The following SLC5A8 variants were observed in gnomAD, a reference collection of about 807,000 sequenced individuals.
The protein encoded by SLC5A8 is sodium-coupled monocarboxylate transporter 1.
In SLC5A8, 55 loss-of-function variants were observed where a neutral mutation model predicts 71.9. The observed-to-expected ratio is 0.77, with a 90% CI of 0.62 to 0.96. The LOEUF is 0.96. Among genes scored for constraint, SLC5A8 ranks in the 40% least tolerant of loss-of-function variants. The pLI is 0.00. For missense variants in SLC5A8, 701 were observed against 745.3 expected (o/e 0.94, Z 0.69); for synonymous variants, 307 against 276.1 (o/e 1.11, Z -1.11).
chr12:101,169,523 C>T (rs1281123453), intron 10 of SLC5A8, among the ~76,000 whole-genome samples: 1 of 152,140 alleles, frequency 6.6e-6, no homozygotes, highest in Non-Finnish European at 1.5e-5. Flanking sequence ...TATTTTACAA[C>T]TGCTATGTCC....
intron 10 of SLC5A8, among the ~76,000 whole-genome samples, chr12:101,172,607 G>T (rs147383660): frequency 2.0e-5 from 3 of 152,194 alleles, no homozygotes; most frequent in Non-Finnish European, 2.9e-5. Flanking sequence ...GCAAGGTCCT[G>T]TGTGGTGGGT....
rs941398579 is a variant in SLC5A8, at chr12:101,188,622, C to T, written c.834-1107G>A. Among the ~76,000 whole-genome samples, 10 of 152,188 alleles carry T rather than the reference C, an allele frequency of 6.6e-5. 1 individual carries two copies. The highest frequency in any genetic ancestry group is 6.3e-3 in the Middle Eastern group (2 of 316). On this transcript the variant is annotated intron_variant, in intron 6 of 14. Transcript: ENST00000536262. ...GCATTACAGTCCAGCGTCTCCCTCT[C>T]GTCAATCCTGTTTCCTTTTCTTCCC...
intron 10 of SLC5A8, among the ~76,000 whole-genome samples, chr12:101,179,285 G>A (rs775718960): frequency 3.9e-5 from 6 of 152,254 alleles, no homozygotes; most frequent in Non-Finnish European, 8.8e-5. Context: ...CCTGACAGTT[G>A]CACTCCTGGG....
At position 101,168,172 on chromosome 12, in the gene SLC5A8, C is replaced by A; in HGVS notation, c.1244G>T (p.Ser415Ile). 6.2e-7 allele frequency: 1 copy of A among 1,604,860 alleles called. No homozygotes were observed. Among genetic ancestry groups the A allele is most frequent in the Non-Finnish European group, 8.5e-7 (1 of 1,175,672 alleles). Residue 415 changes from serine (S) to isoleucine (I), a missense_variant, in exon 11 of 15, where the codon AGC (serine) becomes ATC (isoleucine). Coordinates refer to ENST00000536262, the MANE Select transcript of SLC5A8 (RefSeq NM_145913.5). The stretch of plus-strand genomic sequence containing the variant: ...TGGTCCACCAACCATACCAAATACG[C>A]TGAGTGCTGCCTACAAAAATAATAC... ...LMGALLQAAL[S>I]VFGMVGGPLM...
At chr12:101,185,778 A>AT (rs1381049801) in intron 7 of SLC5A8, among the ~76,000 whole-genome samples, 1 of 152,060 alleles carries the variant, frequency 6.6e-6, no homozygotes, top group Admixed American at 6.6e-5. Flanking sequence ...GGATTTTACC[A>AT]TGTTGACCAG....
At chr12:101,173,202 G>A (rs561313976) in intron 10 of SLC5A8, among the ~76,000 whole-genome samples, 5 of 152,196 alleles carry the variant, frequency 3.3e-5, no homozygotes, top group Non-Finnish European at 7.3e-5. Context: ...TGCTGTATTT[G>A]TATTTCTCGG....
At chr12:101,159,217 T>C (rs1190870898) in intron 13 of SLC5A8, among the ~76,000 whole-genome samples, 3 of 151,930 alleles carry the variant, frequency 2.0e-5, no homozygotes, top group Non-Finnish European at 4.4e-5. Context: ...ACTACTTTAG[T>C]ACAAATACTA....
chr12:101,169,363 G>C (rs756184590), intron 10 of SLC5A8, among the ~76,000 whole-genome samples: 3 of 152,164 alleles, frequency 2.0e-5, no homozygotes, highest in African/African-American at 4.8e-5. Flanking sequence ...ATGGAAAAAG[G>C]GGAATCAACC....
chr12:101,205,981 G>T (rs749950734), intron 1 of SLC5A8, among the ~76,000 whole-genome samples: 3 of 152,154 alleles, frequency 2.0e-5, no homozygotes, highest in Non-Finnish European at 2.9e-5. Flanking sequence ...TCCAGCCCTT[G>T]ACCCAGTCCC....
intron 10 of SLC5A8, among the ~76,000 whole-genome samples, chr12:101,175,823 C>A (rs2051874924): frequency 6.6e-6 from 1 of 151,918 alleles, no homozygotes; most frequent in African/African-American, 2.4e-5. Context: ...AAAGGGGAAA[C>A]TCAAGACATT....
intron 2 of SLC5A8, among the ~76,000 whole-genome samples, chr12:101,203,900 T>C (rs1316596388): frequency 1.3e-5 from 2 of 152,098 alleles, no homozygotes; most frequent in African/African-American, 2.4e-5. Context: ...TATAAGCGCA[T>C]GTTCTTGAAT....
rs752781185 is a variant in SLC5A8 at position 101,209,830 on chromosome 12, T to A, written c.19A>T (p.Ile7Phe). Residue 7 changes from isoleucine to phenylalanine, a missense_variant, in exon 1 of 15, where the codon ATC (isoleucine) becomes TTC (phenylalanine). Coordinates refer to ENST00000536262, the MANE Select transcript of SLC5A8 (RefSeq NM_145913.5). MDTPRG[I>F]GTFVVWDYVV... is the part of the protein sequence containing the mutation. ...TAGTCCCACACCACGAAGGTGCCGA[T>A]GCCCCGTGGCGTGTCCATGGCCGCA... 5 of 1,571,606 alleles carry A rather than the reference T, an allele frequency of 3.2e-6. No homozygotes were observed. In the South Asian group the frequency reaches 5.9e-5, roughly 19 times the overall value.
intron 9 of SLC5A8, among the ~76,000 whole-genome samples, chr12:101,180,958 A>G (rs1462829362): frequency 2.6e-5 from 4 of 152,090 alleles, no homozygotes; most frequent in Non-Finnish European, 4.4e-5. Flanking sequence ...AGGTACATGT[A>G]TTACCTTTTA....
intron 10 of SLC5A8, among the ~76,000 whole-genome samples, chr12:101,170,921 G>A (rs1257129215): frequency 2.0e-5 from 3 of 152,170 alleles, no homozygotes; most frequent in Admixed American, 6.5e-5. Context: ...TCCCAGGGAA[G>A]CCTCTTCCCT....
At chr12:101,203,911 T>C (rs893637519) in intron 2 of SLC5A8, among the ~76,000 whole-genome samples, 3 of 151,120 alleles carry the variant, frequency 2.0e-5, no homozygotes, top group African/African-American at 7.4e-5. Flanking sequence ...GTTCTTGAAT[T>C]ACTGGATTGA....
chr12:101,165,343 C>T (rs139357221), intron 12 of SLC5A8, among the ~76,000 whole-genome samples: 6 of 152,260 alleles, frequency 3.9e-5, no homozygotes, highest in African/African-American at 7.2e-5. Context: ...ATTAGGAAAA[C>T]GCTAAGCAAA....
At chr12:101,164,734 G>GT (rs1399767130) in intron 12 of SLC5A8, among the ~76,000 whole-genome samples, 1 of 152,198 alleles carries the variant, frequency 6.6e-6, no homozygotes, top group African/African-American at 2.4e-5. Flanking sequence ...CTTGACTCCA[G>GT]TCAGGCAGAC....
chr12:101,181,708 A>T, intron 9 of SLC5A8, among the ~76,000 whole-genome samples: 1 of 152,176 alleles, frequency 6.6e-6, no homozygotes, highest in South Asian at 2.1e-4. Flanking sequence ...CATTCTACTA[A>T]ACCACACAGC....
At chr12:101,168,742 G>C (rs1406651387) in intron 10 of SLC5A8, among the ~76,000 whole-genome samples, 1 of 152,158 alleles carries the variant, frequency 6.6e-6, no homozygotes, top group Non-Finnish European at 1.5e-5. Context: ...CTTTGATGTA[G>C]AGATATCAAA....
Sources: gnomAD v4.1 joint callset for allele counts (sites outside exome capture counted in the v4.1 genomes callset) on GRCh38, gnomAD v4.1.1 for gene constraint, MANE v1.5 for transcripts, NCBI Gene and HGNC (gene_info 2026-07-23, HGNC 2026-07-21) for gene names.